TUSC1: variants seen among roughly 807,000 people sequenced by gnomAD.
The protein encoded by TUSC1 is tumor suppressor candidate gene 1 protein.
Under a neutral mutation model 5.2 loss-of-function variants are expected in TUSC1, and 8 were observed. The ratio of observed to expected loss-of-function variants is 1.54; its 90% CI spans 0.90 to 2.77. The LOEUF is 2.77. Ranked by LOEUF, TUSC1 falls within the 30% of genes most tolerant of loss-of-function variation. The probability of loss-of-function intolerance (pLI) is 0.00; values close to 1 mark genes in which losing one functional copy is unlikely to be tolerated. For synonymous variants in TUSC1, 192 were observed against 144.2 expected, an observed-to-expected ratio of 1.33 and a Z score of -2.37; for missense variants, 442 against 324.2, an observed-to-expected ratio of 1.36 and a Z score of -2.79.
Position 25,677,818 on chromosome 9 carries a change from G to T in TUSC1, c.495C>A (p.Tyr165Ter). The change falls in exon 1 of 1, where the codon TAC (tyrosine) becomes TAA (stop). Residue 165 changes from tyrosine (Y) to a stop codon, truncating the protein, a stop_gained. Coordinates refer to ENST00000358022, the MANE Select transcript of TUSC1 (RefSeq NM_001004125.3). LOFTEE classifies it low-confidence loss of function (END_TRUNC). The part of the protein sequence containing the change: ...RARLEKLEAM[Y>*]RRALLQLHLE... Reference sequence around the variant, plus strand: ...GGTGCAGCTGCAGCAGGGCCCGGCGGTACATGGCTTCCAGCTTCTCAAGTC... The same window carrying T: ...GGTGCAGCTGCAGCAGGGCCCGGCGTTACATGGCTTCCAGCTTCTCAAGTC... 1 of 1,594,484 alleles carries T rather than the reference G, an allele frequency of 6.3e-7. No homozygotes were observed.
Position 25,677,656 on chromosome 9 carries a change from T to C in TUSC1, c.*27A>G. 2.0e-6 allele frequency: 3 copies of C among 1,478,352 alleles called. No homozygotes were observed. Among genetic ancestry groups the C allele is most frequent in the Non-Finnish European group, 2.7e-6 (3 of 1,116,710 alleles). 91.6% of individuals were successfully genotyped at this position (1,478,352 alleles called of 1,614,324 possible). ...GGAGGAGGAGGGGCCCGCTCGAGGC[T>C]CCGCCTCTCACCGGCTGCGGCCTCG... On this transcript the variant is annotated 3_prime_UTR_variant, in exon 1 of 1. Coordinates refer to ENST00000358022, the MANE Select transcript of TUSC1 (RefSeq NM_001004125.3).
At position 25,678,372 on chromosome 9, in the gene TUSC1, G is replaced by T. The variant is rs2118092954; in HGVS notation, c.-60C>A. The T allele has an allele frequency of 1.5e-6, 2 of 1,332,012 alleles. No individual in the cohort carries two copies. The highest frequency in any genetic ancestry group is 3.4e-5 in the East Asian group (1 of 29,186). The allele number at this position is 1,332,012 out of a possible 1,614,324, so 82.5% of individuals were successfully genotyped here. A position where few individuals can be genotyped will look rare whatever the true frequency, so the allele number is the denominator to read the frequency against. On this transcript the variant is annotated 5_prime_UTR_variant, in exon 1 of 1. Transcript: ENST00000358022. ...GCTGAGGGGCCGCGCGGCCAGGCGCGGGCAAGTTCGGGGCTGGCAGGGCGG... is the reference window on the plus strand; with the variant it reads ...GCTGAGGGGCCGCGCGGCCAGGCGCTGGCAAGTTCGGGGCTGGCAGGGCGG...
rs1193137134 is a variant in TUSC1, at chr9:25,677,882, CGGCCGCTGTCTCT to C, written c.418_430del (p.Arg140GlufsTer11). The stretch of plus-strand genomic sequence containing the variant: ...CCTGGGGCTGCCCGGCTCGTCCTCT[CGGCCGCTGTCTCT>C]AGCCCTCCGGTTCGTGCTGGCCTCT... On this transcript the variant is annotated frameshift_variant, in exon 1 of 1. Coordinates refer to ENST00000358022, the MANE Select transcript of TUSC1 (RefSeq NM_001004125.3). LOFTEE classifies it low-confidence loss of function (END_TRUNC). 3.1e-6 allele frequency: 5 copies of C among 1,589,828 alleles called. No individual in the cohort carries two copies. Among genetic ancestry groups the C allele is most frequent in the South Asian group, 1.1e-5 (1 of 88,320 alleles).
chr9:25,677,640 G>A lies in TUSC1; in HGVS notation c.*43C>T, dbSNP rs965189608. The A allele has an allele frequency of 6.9e-7, 1 of 1,458,348 alleles. No homozygotes were observed. Among genetic ancestry groups the A allele is most frequent in the Non-Finnish European group, 9.0e-7 (1 of 1,109,480 alleles). 90.3% of individuals were successfully genotyped at this position (1,458,348 alleles called of 1,614,324 possible). A position where few individuals can be genotyped will look rare whatever the true frequency, so the allele number is the denominator to read the frequency against. ...GGGGGTAGCTGGGAACGGAGGAGGA[G>A]GGGCCCGCTCGAGGCTCCGCCTCTC... On this transcript the variant is annotated 3_prime_UTR_variant, in exon 1 of 1. Coordinates refer to ENST00000358022, the MANE Select transcript of TUSC1 (RefSeq NM_001004125.3).
In TUSC1 at chr9:25,678,195, CGCT is replaced by C. The variant is rs1224519553; in HGVS notation, c.115_117del (p.Ser39del). On this transcript the variant is annotated inframe_deletion, in exon 1 of 1. Coordinates refer to ENST00000358022, the MANE Select transcript of TUSC1 (RefSeq NM_001004125.3). ...CGCCAGCCCACGCCGCCGCCGCCGC[CGCT>C]GGGGCTGCCCCCACCACGAGCCCGG... The C allele has an allele frequency of 2.5e-5, 35 of 1,374,352 alleles. No individual in the cohort carries two copies. Among genetic ancestry groups the C allele is most frequent in the East Asian group, 3.1e-5 (1 of 31,982 alleles). The allele number at this position is 1,374,352 out of a possible 1,614,324, so 85.1% of individuals were successfully genotyped here. A position where few individuals can be genotyped will look rare whatever the true frequency, so the allele number is the denominator to read the frequency against.
chr9:25,677,489 C>A lies in TUSC1; in HGVS notation c.*194G>T. The A allele has an allele frequency of 9.2e-7, 1 of 1,085,636 alleles. No individual in the cohort carries two copies. The highest frequency in any genetic ancestry group is 1.7e-5 in the South Asian group (1 of 57,910). The allele number at this position is 1,085,636 out of a possible 1,614,324, so 67.3% of individuals were successfully genotyped here. A position where few individuals can be genotyped will look rare whatever the true frequency, so the allele number is the denominator to read the frequency against. On this transcript the variant is annotated 3_prime_UTR_variant, in exon 1 of 1. Coordinates refer to ENST00000358022, the MANE Select transcript of TUSC1 (RefSeq NM_001004125.3). Reference sequence around the variant, plus strand: ...ATGTGGGAGGTCCTGAGGGCCCTTGCACCCACTCGACCTCCACCAAGCGGA... The same window carrying A: ...ATGTGGGAGGTCCTGAGGGCCCTTGAACCCACTCGACCTCCACCAAGCGGA...
At position 25,678,334 on chromosome 9, in the gene TUSC1, G is replaced by A. The variant is rs922279649; in HGVS notation, c.-22C>T. The A allele has an allele frequency of 2.1e-6, 3 of 1,412,904 alleles. No individual in the cohort carries two copies. Among genetic ancestry groups the A allele is most frequent in the African/African-American group, 3.0e-5 (2 of 65,902 alleles). The allele number at this position is 1,412,904 out of a possible 1,614,324, so 87.5% of individuals were successfully genotyped here. A position where few individuals can be genotyped will look rare whatever the true frequency, so the allele number is the denominator to read the frequency against. Reference sequence around the variant, plus strand: ...ACATCGGTCCCATCCCAACCGCGCCGCCAGCCCCGTGGGCTGAGGGGCCGC... The same window carrying A: ...ACATCGGTCCCATCCCAACCGCGCCACCAGCCCCGTGGGCTGAGGGGCCGC... On this transcript the variant is annotated 5_prime_UTR_variant, in exon 1 of 1. Transcript: ENST00000358022.
Position 25,678,033 on chromosome 9 carries a change from G to A in TUSC1, c.280C>T (p.Arg94Trp). Reference sequence around the variant, plus strand: ...CGCTTCAGCCGCCGGTTCTCGAGCCGCAGCCGGGCGTTCTCCTGACGCAGC... The same window carrying A: ...CGCTTCAGCCGCCGGTTCTCGAGCCACAGCCGGGCGTTCTCCTGACGCAGC... ...ARLRQENARLRLENRRLKREN... is the reference protein window; with the variant it reads ...ARLRQENARLWLENRRLKREN... Residue 94 changes from arginine to tryptophan, a missense_variant, in exon 1 of 1, where the codon CGG becomes TGG. Transcript: ENST00000358022. 6.4e-7 allele frequency: 1 copy of A among 1,573,738 alleles called. No homozygotes were observed. Among genetic ancestry groups the A allele is most frequent in the Non-Finnish European group, 8.6e-7 (1 of 1,166,172 alleles).
Position 25,677,707 on chromosome 9 carries a change from C to G in TUSC1, c.606G>C (p.Ser202=), listed in dbSNP as rs573173283. The G allele has an allele frequency of 3.9e-6, 6 of 1,555,136 alleles. No individual in the cohort carries two copies. In the African/African-American group the frequency reaches 8.2e-5, roughly 21 times the overall value. ...EPDSGLRSRD[S]EPSGPWL is the part of the protein sequence containing the mutation. Reference sequence around the variant, plus strand: ...GCTACAGCCAGGGCCCAGAGGGCTCCGAGTCCCGGGAGCGGAGGCCGGAGT... The same window carrying G: ...GCTACAGCCAGGGCCCAGAGGGCTCGGAGTCCCGGGAGCGGAGGCCGGAGT... Residue 202 remains serine (S), a synonymous_variant, in exon 1 of 1, where the codon TCG becomes TCC. Transcript: ENST00000358022.
rs182988202 is a variant in TUSC1 at position 25,677,439 on chromosome 9, G to C, written c.*244C>G. 45 of 586,842 alleles carry C rather than the reference G, an allele frequency of 7.7e-5. No individual in the cohort carries two copies. The African/African-American group carries it at 8.2e-4, about 11-fold the overall frequency. The allele number at this position is 586,842 out of a possible 1,614,324, so 36.4% of individuals were successfully genotyped here. The stretch of plus-strand genomic sequence containing the variant: ...AGGCCTCTCTCCAGGGAAACTAGCC[G>C]GGGCAAGAGGCAGGGGAACTGTACA... On this transcript the variant is annotated 3_prime_UTR_variant, in exon 1 of 1. Coordinates refer to ENST00000358022, the MANE Select transcript of TUSC1 (RefSeq NM_001004125.3).
rs911241489 is a variant in TUSC1 at position 25,677,223 on chromosome 9, A to G, written c.*460T>C. 6.3e-6 allele frequency: 1 copy of G among 159,168 alleles called. No individual in the cohort carries two copies. Among genetic ancestry groups the G allele is most frequent in the African/African-American group, 2.4e-5 (1 of 41,710 alleles). 9.9% of individuals were successfully genotyped at this position (159,168 alleles called of 1,614,324 possible). On this transcript the variant is annotated 3_prime_UTR_variant, in exon 1 of 1. Transcript: ENST00000358022. ...TTGGCCACATATGAAAGAATAGCTG[A>G]AGGCTTTAGGGGATTGAAGAATGGA... is the stretch of plus-strand genomic sequence containing the variant.
Position 25,677,599 on chromosome 9 carries a change from G to C in TUSC1, c.*84C>G. On this transcript the variant is annotated 3_prime_UTR_variant, in exon 1 of 1. Transcript: ENST00000358022. The stretch of plus-strand genomic sequence containing the variant: ...GTATCCGCGGGCAGGGAGCGGGCCA[G>C]GGCGTGCGCGAGGTCGGGGGTAGCT... 1.4e-6 allele frequency: 2 copies of C among 1,439,274 alleles called. No individual in the cohort carries two copies. Among genetic ancestry groups the C allele is most frequent in the Non-Finnish European group, 1.8e-6 (2 of 1,101,972 alleles). 89.2% of individuals were successfully genotyped at this position (1,439,274 alleles called of 1,614,324 possible).
Position 25,678,255 on chromosome 9 carries a change from C to T in TUSC1, c.58G>A (p.Ala20Thr). The change falls in exon 1 of 1, where the codon GCT becomes ACT. Residue 20 changes from alanine (A) to threonine (T), a missense_variant. Physicochemically the swap from Ala to Thr is moderately conservative, Grantham distance 58. Coordinates refer to ENST00000358022, the MANE Select transcript of TUSC1 (RefSeq NM_001004125.3). ...CGGCCTGGCCCTCGGCCGTCCGCAGCACCGTCCCCGCCGCAGCAACTCCCG... is the reference window on the plus strand; with the variant it reads ...CGGCCTGGCCCTCGGCCGTCCGCAGTACCGTCCCCGCCGCAGCAACTCCCG... ...RRGSCCGGDG[A>T]ADGRGPGRSG... 1.4e-6 allele frequency: 2 copies of T among 1,448,596 alleles called. No individual in the cohort carries two copies. Among genetic ancestry groups the T allele is most frequent in the Non-Finnish European group, 9.1e-7 (1 of 1,103,162 alleles). 89.7% of individuals were successfully genotyped at this position (1,448,596 alleles called of 1,614,324 possible).
rs772090235 is a variant in TUSC1, at chr9:25,678,106, G to T, written c.207C>A (p.His69Gln). Residue 69 changes from histidine (H) to glutamine (Q), a missense_variant, in exon 1 of 1, where the codon CAC (histidine) becomes CAA (glutamine). Physicochemically the swap from His to Gln is conservative, Grantham distance 24 (BLOSUM62 0). Coordinates refer to ENST00000358022, the MANE Select transcript of TUSC1 (RefSeq NM_001004125.3). ...CGTCCCGCGCACGGATGGCCTCCAA[G>T]TGGCTCGCCGCCAGGTCGGCAAACC... ...EERFADLAAS[H>Q]LEAIRARDEW... The T allele has an allele frequency of 6.4e-7, 1 of 1,571,428 alleles. No individual in the cohort carries two copies.
rs907196262 is a variant in TUSC1 at position 25,678,258 on chromosome 9, C to A, written c.55G>T (p.Gly19Cys). ...CCTGGCCCTCGGCCGTCCGCAGCAC[C>A]GTCCCCGCCGCAGCAACTCCCGCGC... ...TRRGSCCGGD[G>C]AADGRGPGRS... The change falls in exon 1 of 1, where the codon GGT becomes TGT. Residue 19 changes from glycine (G) to cysteine (C), a missense_variant. Coordinates refer to ENST00000358022, the MANE Select transcript of TUSC1 (RefSeq NM_001004125.3). 4 of 1,450,210 alleles carry A rather than the reference C, an allele frequency of 2.8e-6. No homozygotes were observed. The African/African-American group carries it at 4.5e-5, about 16-fold the overall frequency. The allele number at this position is 1,450,210 out of a possible 1,614,324, so 89.8% of individuals were successfully genotyped here.
rs1819077310 is a variant in TUSC1 at position 25,677,854 on chromosome 9, G to A, written c.459C>T (p.Ala153=). ...CCAGCTTCTCAAGTCGGGCCCTCAG[G>A]GCCCTGGGGCTGCCCGGCTCGTCCT... is the stretch of plus-strand genomic sequence containing the variant. The part of the protein sequence containing the change: ...GREDEPGSPR[A]LRARLEKLEA... The change falls in exon 1 of 1, where the codon GCC becomes GCT. Residue 153 remains alanine (A), a synonymous_variant. Transcript: ENST00000358022. The A allele has an allele frequency of 3.1e-6, 5 of 1,596,338 alleles. No individual in the cohort carries two copies. Among genetic ancestry groups the A allele is most frequent in the Non-Finnish European group, 4.3e-6 (5 of 1,174,124 alleles).
chr9:25,677,366 T>C lies in TUSC1; in HGVS notation c.*317A>G, dbSNP rs1318688851. ...AGTTCAGGGAATATGAAGTGTTTCTTGGCACCCAGTTCTCGCTGTTTTAAA... is the reference window on the plus strand; with the variant it reads ...AGTTCAGGGAATATGAAGTGTTTCTCGGCACCCAGTTCTCGCTGTTTTAAA... On this transcript the variant is annotated 3_prime_UTR_variant, in exon 1 of 1. Coordinates refer to ENST00000358022, the MANE Select transcript of TUSC1 (RefSeq NM_001004125.3). 5.2e-6 allele frequency: 2 copies of C among 385,496 alleles called. No homozygotes were observed. Among genetic ancestry groups the C allele is most frequent in the Non-Finnish European group, 9.2e-6 (2 of 216,938 alleles). 23.9% of individuals were successfully genotyped at this position (385,496 alleles called of 1,614,324 possible). A position where few individuals can be genotyped will look rare whatever the true frequency, so the allele number is the denominator to read the frequency against.
rs1305328914 is a variant in TUSC1, at chr9:25,678,149, C to A, written c.164G>T (p.Arg55Leu). Reference protein sequence around the residue: ...VGWRGRADGARQQLEERFADL... With the variant: ...VGWRGRADGALQQLEERFADL... ...GGCAAACCGCTCCTCCAGCTGCTGT[C>A]GGGCGCCGTCCGCGCGGCCTCGCCA... The change falls in exon 1 of 1, where the codon CGA becomes CTA. Residue 55 changes from arginine (R) to leucine (L), a missense_variant. Arg to Leu is a moderately radical substitution (Grantham distance 102). Transcript: ENST00000358022. The A allele has an allele frequency of 2.0e-6, 3 of 1,480,634 alleles. No individual in the cohort carries two copies. The highest frequency in any genetic ancestry group is 1.8e-6 in the Non-Finnish European group (2 of 1,123,452). The allele number at this position is 1,480,634 out of a possible 1,614,324, so 91.7% of individuals were successfully genotyped here. A position where few individuals can be genotyped will look rare whatever the true frequency, so the allele number is the denominator to read the frequency against.
chr9:25,677,632 G>A lies in TUSC1; in HGVS notation c.*51C>T. The A allele has an allele frequency of 6.9e-7, 1 of 1,452,250 alleles. No homozygotes were observed. Among genetic ancestry groups the A allele is most frequent in the Non-Finnish European group, 9.0e-7 (1 of 1,107,460 alleles). The allele number at this position is 1,452,250 out of a possible 1,614,324, so 90.0% of individuals were successfully genotyped here. A position where few individuals can be genotyped will look rare whatever the true frequency, so the allele number is the denominator to read the frequency against. On this transcript the variant is annotated 3_prime_UTR_variant, in exon 1 of 1. Coordinates refer to ENST00000358022, the MANE Select transcript of TUSC1 (RefSeq NM_001004125.3). The stretch of plus-strand genomic sequence containing the variant: ...GCGAGGTCGGGGGTAGCTGGGAACG[G>A]AGGAGGAGGGGCCCGCTCGAGGCTC...
Sources: allele counts gnomAD v4.1 joint callset, GRCh38; gene constraint gnomAD v4.1.1; transcripts MANE v1.5; gene names NCBI Gene and HGNC (gene_info 2026-07-23, HGNC 2026-07-21).